The following ACYP2 variants were observed in gnomAD, a reference collection of about 807,000 sequenced individuals.
The protein encoded by ACYP2 is acylphosphatase 2.
In ACYP2, 12 loss-of-function variants were observed where a neutral mutation model predicts 11.2. The observed-to-expected ratio is 1.08, with a 90% CI of 0.69 to 1.74. The LOEUF is 1.74. ACYP2 is among the 40% of genes most tolerant of loss of function. ACYP2 has a pLI of 0.00. For missense variants in ACYP2, 134 were observed against 101.9 expected (o/e 1.31, Z -1.35); for synonymous variants, 43 against 32.2 (o/e 1.33, Z -1.13).
intron 6 of ACYP2, among the ~76,000 whole-genome samples, chr2:54,220,997 T>A (rs1464739784): frequency 1.3e-5 from 2 of 152,242 alleles, no homozygotes; most frequent in Non-Finnish European, 2.9e-5. Context: ...AGGATTTGCT[T>A]TGGTCAGTGG....
intron 4 of ACYP2, among the ~76,000 whole-genome samples, chr2:54,105,975 G>A (rs926253588): frequency 4.0e-5 from 6 of 151,894 alleles, no homozygotes; most frequent in African/African-American, 1.5e-4. Flanking sequence ...TCCTTTAAAT[G>A]TTCTAAGACT....
At chr2:54,002,271 T>C (rs111410910) in intron 2 of ACYP2, among the ~76,000 whole-genome samples, 1 of 152,348 alleles carries the variant, frequency 6.6e-6, no homozygotes, top group Non-Finnish European at 1.5e-5. Flanking sequence ...TGTAGTGTTT[T>C]CCAATTGTCA....
intron 4 of ACYP2, among the ~76,000 whole-genome samples, chr2:54,069,589 G>C (rs1001827545): frequency 6.6e-6 from 1 of 152,136 alleles, no homozygotes; most frequent in Non-Finnish European, 1.5e-5. Context: ...ATGAACCCGG[G>C]AGGCGGAGCT....
At chr2:54,008,387 C>T (rs910470760) in intron 2 of ACYP2, among the ~76,000 whole-genome samples, 5 of 152,166 alleles carry the variant, frequency 3.3e-5, no homozygotes, top group African/African-American at 1.2e-4. Context: ...TTTCTCTTGT[C>T]CTGCAGGGAC....
At chr2:54,025,218 C>G (rs1674217692) in intron 2 of ACYP2, among the ~76,000 whole-genome samples, 1 of 152,052 alleles carries the variant, frequency 6.6e-6, no homozygotes, top group South Asian at 2.1e-4. Context: ...CTTCACATAA[C>G]TAGAAAAAAT....
chr2:54,000,161 T>G (rs1239841333), intron 2 of ACYP2, among the ~76,000 whole-genome samples: 1 of 151,942 alleles, frequency 6.6e-6, no homozygotes, highest in Non-Finnish European at 1.5e-5. Flanking sequence ...ATTGAGCTTC[T>G]TAGGGGTCCA....
At chr2:54,067,942 T>G (rs746159587) in intron 4 of ACYP2, among the ~76,000 whole-genome samples, 6 of 152,214 alleles carry the variant, frequency 3.9e-5, no homozygotes, top group South Asian at 2.1e-4. Flanking sequence ...TAGCTCTGCT[T>G]GCATAACCCA....
chr2:54,106,619 T>C (rs1394336308), intron 4 of ACYP2, among the ~76,000 whole-genome samples: 1 of 152,226 alleles, frequency 6.6e-6, no homozygotes, highest in East Asian at 1.9e-4. Flanking sequence ...CTTGCTCTTG[T>C]TGCCCAGGCT....
intron 2 of ACYP2, among the ~76,000 whole-genome samples, chr2:54,050,466 T>C (rs1288032074): frequency 1.3e-5 from 2 of 151,440 alleles, no homozygotes; most frequent in South Asian, 2.1e-4. Flanking sequence ...GGATGATCTC[T>C]TGAGCCCAGG....
chr2:54,277,425 A>G (rs188335800), intron 6 of ACYP2, among the ~76,000 whole-genome samples: 51 of 152,352 alleles, frequency 3.3e-4, no homozygotes, highest in African/African-American at 1.2e-3. Flanking sequence ...CACATCTGCA[A>G]TCCCAGCACT....
rs181318576 is a variant in ACYP2, at chr2:53,994,435, C to T, written c.62+20625C>T. 4.7e-5 allele frequency among the ~76,000 whole-genome samples: 7 copies of T among 147,614 alleles called. No individual in the cohort carries two copies. In the East Asian group the frequency reaches 8.1e-4, roughly 17 times the overall value. On this transcript the variant is annotated intron_variant, in intron 2 of 6. Transcript: ENST00000607452. ...TCGGGAGGCTGAGGCAGGAGAATCA[C>T]TTGAACCCAGGAGGTGGAGGTTGCA...
intron 4 of ACYP2, among the ~76,000 whole-genome samples, chr2:54,088,005 C>G (rs1339355291): frequency 6.6e-6 from 1 of 152,196 alleles, no homozygotes; most frequent in Non-Finnish European, 1.5e-5. Flanking sequence ...TGCTGTGACA[C>G]AGATCCTACC....
intron 4 of ACYP2, among the ~76,000 whole-genome samples, chr2:54,059,818 C>T (rs1676371091): frequency 6.6e-6 from 1 of 152,158 alleles, no homozygotes; most frequent in African/African-American, 2.4e-5. Flanking sequence ...TTGTTTGTTA[C>T]TTAAGGATAT....
intron 6 of ACYP2, among the ~76,000 whole-genome samples, chr2:54,231,563 T>C (rs1011486578): frequency 1.3e-5 from 2 of 152,220 alleles, no homozygotes; most frequent in African/African-American, 4.8e-5. Flanking sequence ...AGACCTCTGC[T>C]AGGTTGTTTC....
intron 4 of ACYP2, among the ~76,000 whole-genome samples, chr2:54,073,426 C>G (rs775829380): frequency 1.3e-5 from 2 of 151,988 alleles, no homozygotes; most frequent in Non-Finnish European, 2.9e-5. Context: ...AAGTACAAAA[C>G]TCTTGGAAGA....
At chr2:53,988,760 T>TG (rs1442701471) in intron 2 of ACYP2, among the ~76,000 whole-genome samples, 18 of 151,064 alleles carry the variant, frequency 1.2e-4, no homozygotes, top group Middle Eastern at 3.4e-3. Flanking sequence ...TGTTTTGTTT[T>TG]TTTGAGACAG....
At chr2:54,285,294 T>C (rs80266857) in intron 6 of ACYP2, among the ~76,000 whole-genome samples, 1 of 152,206 alleles carries the variant, frequency 6.6e-6, no homozygotes. Context: ...GCACTGAGTT[T>C]CTAGGATACC....
At chr2:54,101,129 CTG>C (rs1267287940) in intron 4 of ACYP2, among the ~76,000 whole-genome samples, 1 of 152,114 alleles carries the variant, frequency 6.6e-6, no homozygotes, top group Non-Finnish European at 1.5e-5. Flanking sequence ...ATCAATAGCC[CTG>C]TGAGAGAGCT....
chr2:54,261,269 G>C (rs748177262), intron 6 of ACYP2, among the ~76,000 whole-genome samples: 3 of 152,076 alleles, frequency 2.0e-5, no homozygotes, highest in Admixed American at 6.6e-5. Flanking sequence ...TTTCAACTTT[G>C]GAGCCTGAAA....
Sources: gnomAD v4.1 joint callset for allele counts (sites outside exome capture counted in the v4.1 genomes callset) on GRCh38, gnomAD v4.1.1 for gene constraint, MANE v1.5 for transcripts, NCBI Gene and HGNC (gene_info 2026-07-23, HGNC 2026-07-21) for gene names.